Variants in CNTN5 observed in about 807,000 individuals in gnomAD.
CNTN5 encodes the protein contactin 5.
In CNTN5, 77 loss-of-function variants were observed where a neutral mutation model predicts 129.1. That is an observed-to-expected ratio of 0.60 (90% CI 0.50 to 0.72). The LOEUF is 0.72. CNTN5 is among the 30% of genes least tolerant of loss of function. The probability of loss-of-function intolerance (pLI) is 0.00; values close to 1 mark genes in which losing one functional copy is unlikely to be tolerated. For synonymous variants in CNTN5, 509 were observed against 465.6 expected, an observed-to-expected ratio of 1.09 and a Z score of -1.20; for missense variants, 1,478 against 1,328.8, an observed-to-expected ratio of 1.11 and a Z score of -1.75.
At chr11:99,804,873 T>A (rs1302267708) in intron 3 of CNTN5, among the ~76,000 whole-genome samples, 1 of 150,460 alleles carries the variant, frequency 6.6e-6, no homozygotes, top group East Asian at 1.9e-4. Context: ...ATTATACATA[T>A]ATATGAGAAA....
At chr11:99,849,652 T>C (rs1947811063) in intron 6 of CNTN5, among the ~76,000 whole-genome samples, 1 of 152,100 alleles carries the variant, frequency 6.6e-6, no homozygotes, top group Non-Finnish European at 1.5e-5. Flanking sequence ...AAAAATATTT[T>C]TTAAAAATAG....
chr11:99,717,394 A>G (rs1269701414), intron 3 of CNTN5, among the ~76,000 whole-genome samples: 1 of 152,076 alleles, frequency 6.6e-6, no homozygotes, highest in African/African-American at 2.4e-5. Flanking sequence ...TATAGAAAGA[A>G]AAGCGTAGGG....
chr11:100,096,626 A>G (rs980198948), intron 13 of CNTN5, among the ~76,000 whole-genome samples: 2 of 152,042 alleles, frequency 1.3e-5, no homozygotes, highest in African/African-American at 4.8e-5. Context: ...TGACTACCTC[A>G]TCATGCTCTA....
intron 1 of CNTN5, among the ~76,000 whole-genome samples, chr11:99,254,459 T>A (rs1369390980): frequency 1.3e-5 from 2 of 151,930 alleles, no homozygotes; most frequent in South Asian, 4.1e-4. Context: ...GAAAATTAAA[T>A]CATGAGGAAA....
rs141668307 is a variant in CNTN5, at chr11:99,679,877, C to T, written c.55+123608C>T. ...ATGCTTTTGAGGAAAATTAAAAGTG[C>T]TACTCCAGTGAACATACAAATAATA... On this transcript the variant is annotated intron_variant, in intron 3 of 24. Coordinates refer to ENST00000524871, the MANE Select transcript of CNTN5 (RefSeq NM_014361.4). Among the ~76,000 whole-genome samples, 135 of 152,290 alleles carry T rather than the reference C, an allele frequency of 8.9e-4. 1 individual carries two copies. The highest frequency in any genetic ancestry group is 3.1e-3 in the African/African-American group (129 of 41,580).
At chr11:99,141,252 A>C (rs541106561) in intron 1 of CNTN5, among the ~76,000 whole-genome samples, 4 of 151,734 alleles carry the variant, frequency 2.6e-5, no homozygotes, top group Admixed American at 2.6e-4. Flanking sequence ...GAATTTACCC[A>C]TTTCTTCTTG....
chr11:100,051,080 A>G (rs1297496493), intron 9 of CNTN5, among the ~76,000 whole-genome samples: 1 of 152,172 alleles, frequency 6.6e-6, no homozygotes, highest in Non-Finnish European at 1.5e-5. Context: ...CCAGTAATTT[A>G]TCAATTATAA....
intron 6 of CNTN5, among the ~76,000 whole-genome samples, chr11:99,874,632 A>G (rs945172689): frequency 2.0e-5 from 3 of 152,186 alleles, no homozygotes; most frequent in Non-Finnish European, 4.4e-5. Flanking sequence ...TTTAAAAGGA[A>G]ATACATCTTC....
chr11:100,182,310 A>T (rs981197052), intron 13 of CNTN5, among the ~76,000 whole-genome samples: 4 of 152,058 alleles, frequency 2.6e-5, no homozygotes, highest in Non-Finnish European at 5.9e-5. Flanking sequence ...GGATGCTAAG[A>T]TGGTTAGTTT....
intron 3 of CNTN5, among the ~76,000 whole-genome samples, chr11:99,602,737 G>T (rs568748265): frequency 6.6e-6 from 1 of 150,514 alleles, no homozygotes; most frequent in Non-Finnish European, 1.5e-5. Flanking sequence ...CTCCCAGCAC[G>T]CAGCTGGAGA....
chr11:99,077,317 T>C (rs1416976646), intron 1 of CNTN5, among the ~76,000 whole-genome samples: 1 of 152,218 alleles, frequency 6.6e-6, no homozygotes, highest in Non-Finnish European at 1.5e-5. Context: ...CTGACATTTA[T>C]ATAATAATAG....
At chr11:99,921,580 T>C (rs904319965) in intron 7 of CNTN5, among the ~76,000 whole-genome samples, 5 of 152,198 alleles carry the variant, frequency 3.3e-5, no homozygotes, top group Admixed American at 2.6e-4. Context: ...CCTTAATTTT[T>C]CTCCATAATG....
At chr11:99,680,487 A>G (rs1205678309) in intron 3 of CNTN5, among the ~76,000 whole-genome samples, 1 of 151,734 alleles carries the variant, frequency 6.6e-6, no homozygotes, top group African/African-American at 2.4e-5. Context: ...ACATCTGTTT[A>G]TAGCATGGTT....
At chr11:99,046,026 G>A (rs1474617113) in intron 1 of CNTN5, among the ~76,000 whole-genome samples, 1 of 152,098 alleles carries the variant, frequency 6.6e-6, no homozygotes, top group Admixed American at 6.5e-5. Context: ...TGTGTATAGA[G>A]ACCTGTAACT....
At chr11:100,246,103 A>C (rs1949835151) in intron 16 of CNTN5, among the ~76,000 whole-genome samples, 1 of 152,164 alleles carries the variant, frequency 6.6e-6, no homozygotes, top group African/African-American at 2.4e-5. Flanking sequence ...CAAATGTGAT[A>C]CATGCGTTCT....
intron 2 of CNTN5, among the ~76,000 whole-genome samples, chr11:99,476,487 A>G (rs965867517): frequency 2.6e-5 from 4 of 152,204 alleles, no homozygotes; most frequent in African/African-American, 9.6e-5. Flanking sequence ...GTTATGATGC[A>G]TATCACGTAG....
At chr11:99,054,635 C>T (rs1864558672) in intron 1 of CNTN5, among the ~76,000 whole-genome samples, 1 of 151,664 alleles carries the variant, frequency 6.6e-6, no homozygotes, top group South Asian at 2.1e-4. Context: ...TCCAAGTATT[C>T]CTTAAAAACT....
At chr11:99,519,251 C>CTAACTTCTTTATAGAA (rs1242643949) in intron 2 of CNTN5, among the ~76,000 whole-genome samples, 1 of 152,064 alleles carries the variant, frequency 6.6e-6, no homozygotes, top group African/African-American at 2.4e-5. Flanking sequence ...TCAGCTCAAG[C>CTAACTTCTTTATAGAA]TAACTTCTTT....
intron 2 of CNTN5, among the ~76,000 whole-genome samples, chr11:99,450,792 C>A: frequency 1.7e-5 from 1 of 58,190 alleles, no homozygotes; most frequent in Non-Finnish European, 3.6e-5. Context: ...TTTTTTTTTG[C>A]TCTTCTGCAC....
Sources: allele counts gnomAD v4.1 joint callset (sites outside exome capture counted in the v4.1 genomes callset), GRCh38; gene constraint gnomAD v4.1.1; transcripts MANE v1.5; gene names NCBI Gene and HGNC (gene_info 2026-07-23, HGNC 2026-07-21).